Variants in ADAMTS12 observed in about 807,000 individuals in gnomAD.
ADAMTS12 encodes the protein A disintegrin and metalloproteinase with thrombospondin motifs 12.
Under a neutral mutation model 167.8 loss-of-function variants are expected in ADAMTS12, and 118 were observed. The observed-to-expected ratio is 0.70, with a 90% confidence interval of 0.61 to 0.82. ADAMTS12 has a LOEUF of 0.82. Ranked by LOEUF, ADAMTS12 falls within the 40% of genes least tolerant of loss-of-function variation. The pLI is 0.00. For missense variants in ADAMTS12, 1,916 were observed against 1,998.8 expected (o/e 0.96, Z 0.79); for synonymous variants, 704 against 716.9 (o/e 0.98, Z 0.29).
At chr5:33,649,823 G>T in intron 7 of ADAMTS12, 126 bp from the exon 8 acceptor site, 3 of 1,258,540 alleles carry the variant, frequency 2.4e-6, no homozygotes, top group Non-Finnish European at 3.2e-6. Flanking sequence ...GCAACTGTTT[G>T]CAAAGTGAGA....
At chr5:33,628,304 G>A (rs186991893) in intron 13 of ADAMTS12, among the ~76,000 whole-genome samples, 179 of 152,230 alleles carry the variant, frequency 1.2e-3, no homozygotes, top group African/African-American at 4.1e-3. Context: ...GGGTGGAGGT[G>A]AGTAGGGCAT....
At chr5:33,668,607 T>C (rs946219871) in intron 5 of ADAMTS12, among the ~76,000 whole-genome samples, 1 of 152,184 alleles carries the variant, frequency 6.6e-6, no homozygotes, top group African/African-American at 2.4e-5. Flanking sequence ...CTCAGCTTCC[T>C]GAGTAGCTGG....
At chr5:33,782,961 G>C (rs1183999380) in intron 2 of ADAMTS12, among the ~76,000 whole-genome samples, 1 of 151,966 alleles carries the variant, frequency 6.6e-6, no homozygotes, top group African/African-American at 2.4e-5. Flanking sequence ...CCTCATAAAA[G>C]CAGAACACAC....
intron 22 of ADAMTS12, among the ~76,000 whole-genome samples, chr5:33,544,017 T>A (rs1406369288): frequency 1.3e-5 from 2 of 152,138 alleles, no homozygotes; most frequent in Non-Finnish European, 2.9e-5. Flanking sequence ...GGCTGGGCAA[T>A]CAGGCAAGAG....
chr5:33,749,892 G>A (rs1256143135), intron 3 of ADAMTS12, among the ~76,000 whole-genome samples: 2 of 152,068 alleles, frequency 1.3e-5, no homozygotes, highest in African/African-American at 4.8e-5. Flanking sequence ...GTTCAAGGTG[G>A]GTAGATAAGG....
intron 1 of ADAMTS12, among the ~76,000 whole-genome samples, chr5:33,885,650 T>A (rs1750608976): frequency 6.6e-6 from 1 of 152,150 alleles, no homozygotes; most frequent in South Asian, 2.1e-4. Context: ...TACAAGGCAG[T>A]CTGACAATGA....
chr5:33,585,415 C>T (rs1747297817), intron 18 of ADAMTS12, among the ~76,000 whole-genome samples: 1 of 152,190 alleles, frequency 6.6e-6, no homozygotes. Flanking sequence ...GTCTAGAGCC[C>T]TTTTATTGTA....
At chr5:33,880,987 G>A in intron 2 of ADAMTS12, 132 bp downstream of exon 2, 1 of 1,355,858 alleles carries the variant, frequency 7.4e-7, no homozygotes, top group Non-Finnish European at 1.0e-6. Flanking sequence ...CCACTTTGGA[G>A]GCCAGGATCA....
chr5:33,751,300 CA>C, intron 3 of ADAMTS12, 103 bp downstream of exon 3: 1 of 1,398,142 alleles, frequency 7.2e-7, no homozygotes, highest in South Asian at 1.2e-5. Flanking sequence ...AAAAAGAATA[CA>C]GAGGAGATAA....
At chr5:33,631,280 A>T (rs1739916364) in intron 12 of ADAMTS12, among the ~76,000 whole-genome samples, 1 of 152,288 alleles carries the variant, frequency 6.6e-6, no homozygotes, top group Non-Finnish European at 1.5e-5. Context: ...GCAACCAGCC[A>T]TGAAGGACTC....
intron 7 of ADAMTS12, among the ~76,000 whole-genome samples, chr5:33,650,293 TA>T (rs994164402): frequency 6.6e-6 from 1 of 152,286 alleles, no homozygotes; most frequent in Non-Finnish European, 1.5e-5. Flanking sequence ...TGTAAATCAT[TA>T]AAACTTGCCT....
intron 3 of ADAMTS12, among the ~76,000 whole-genome samples, chr5:33,694,659 A>G (rs1189927424): frequency 1.3e-5 from 2 of 151,232 alleles, no homozygotes; most frequent in Admixed American, 1.3e-4. Context: ...TTTAGTCTAG[A>G]GAAGTCCGGG....
chr5:33,633,670 G>T (rs1740061415), intron 12 of ADAMTS12, among the ~76,000 whole-genome samples: 1 of 152,012 alleles, frequency 6.6e-6, no homozygotes, highest in Non-Finnish European at 1.5e-5. Flanking sequence ...AAGGGCTGTG[G>T]TTATATCATT....
chr5:33,665,752 G>A (rs1741442052), intron 5 of ADAMTS12, among the ~76,000 whole-genome samples: 1 of 152,246 alleles, frequency 6.6e-6, no homozygotes, highest in South Asian at 2.1e-4. Context: ...GGTTTTATTA[G>A]GGGCTTATGT....
chr5:33,624,589 C>T lies in ADAMTS12; in HGVS notation c.2023-238G>A, dbSNP rs538128545. The stretch of plus-strand genomic sequence containing the variant: ...ACATTGAGTGAGGTCTCTAATTTCC[C>T]GAGTCAGAGGCAGAACTGAACAAAA... On this transcript the variant is annotated intron_variant, in intron 13 of 23. Coordinates refer to ENST00000504830, the MANE Select transcript of ADAMTS12 (RefSeq NM_030955.4). 2.9e-4 allele frequency among the ~76,000 whole-genome samples: 44 copies of T among 152,274 alleles called. No homozygotes were observed. In the South Asian group the frequency reaches 8.3e-3, roughly 29 times the overall value.
intron 5 of ADAMTS12, among the ~76,000 whole-genome samples, chr5:33,681,162 T>C (rs558189129): frequency 2.0e-5 from 3 of 152,278 alleles, no homozygotes; most frequent in Admixed American, 6.5e-5. Flanking sequence ...GACATACCCA[T>C]TGGTATTCCA....
intron 2 of ADAMTS12, among the ~76,000 whole-genome samples, chr5:33,762,127 G>A (rs1745379876): frequency 6.6e-6 from 1 of 152,136 alleles, no homozygotes; most frequent in Non-Finnish European, 1.5e-5. Flanking sequence ...GGGAAATGGA[G>A]GTTGCAGTGA....
intron 2 of ADAMTS12, among the ~76,000 whole-genome samples, chr5:33,792,882 T>C: frequency 6.6e-6 from 1 of 152,384 alleles, no homozygotes; most frequent in African/African-American, 2.4e-5. Context: ...CATGGTTTAC[T>C]TGTGGTTCCC....
chr5:33,710,443 C>T (rs1743355554), intron 3 of ADAMTS12, among the ~76,000 whole-genome samples: 1 of 152,142 alleles, frequency 6.6e-6, no homozygotes, highest in African/African-American at 2.4e-5. Context: ...TTCACCACGT[C>T]TCCATTTTCT....
Sources: gnomAD v4.1 joint callset for allele counts (sites outside exome capture counted in the v4.1 genomes callset) on GRCh38, gnomAD v4.1.1 for gene constraint, MANE v1.5 for transcripts, NCBI Gene and HGNC (gene_info 2026-07-23, HGNC 2026-07-21) for gene names.